KCTD16: variants seen among roughly 807,000 people sequenced by gnomAD.
The protein encoded by KCTD16 is potassium channel tetramerization domain containing 16.
Under a neutral mutation model 33.2 loss-of-function variants are expected in KCTD16, and 13 were observed. The ratio of observed to expected loss-of-function variants is 0.39; its 90% CI spans 0.25 to 0.62. The LOEUF (loss-of-function observed/expected upper bound fraction) is 0.62. Ranked by LOEUF, KCTD16 falls within the 20% of genes least tolerant of loss-of-function variation. The pLI, the probability that KCTD16 is intolerant of heterozygous loss-of-function variation, is 0.50. For synonymous variants in KCTD16, 197 were observed against 195.3 expected (o/e 1.01, Z -0.07); for missense variants, 441 against 525.1 (o/e 0.84, Z 1.57).
chr5:144,180,865 G>T (rs1752607207), intron 2 of KCTD16, among the ~76,000 whole-genome samples: 1 of 152,086 alleles, frequency 6.6e-6, no homozygotes, highest in East Asian at 1.9e-4. Flanking sequence ...CATTCTATTG[G>T]CTAGAAAACG....
At chr5:144,433,097 C>G (rs1435070733) in intron 3 of KCTD16, among the ~76,000 whole-genome samples, 1 of 152,126 alleles carries the variant, frequency 6.6e-6, no homozygotes, top group Non-Finnish European at 1.5e-5. Flanking sequence ...CTTCTATCTT[C>G]TTACCTGTCA....
intron 3 of KCTD16, among the ~76,000 whole-genome samples, chr5:144,296,686 A>G (rs1484895579): frequency 6.6e-6 from 1 of 152,194 alleles, no homozygotes; most frequent in East Asian, 1.9e-4. Flanking sequence ...TGCTTAGCAG[A>G]AAAACAAAAG....
intron 3 of KCTD16, among the ~76,000 whole-genome samples, chr5:144,327,106 C>G (rs567799528): frequency 6.6e-6 from 1 of 152,104 alleles, no homozygotes; most frequent in Non-Finnish European, 1.5e-5. Flanking sequence ...ATGTTGGCAA[C>G]GGTGAAGATT....
At chr5:144,349,279 T>A (rs1752885997) in intron 3 of KCTD16, among the ~76,000 whole-genome samples, 1 of 152,182 alleles carries the variant, frequency 6.6e-6, no homozygotes, top group African/African-American at 2.4e-5. Flanking sequence ...ACCACCTGGA[T>A]TTGAAGTCTG....
At chr5:144,416,308 C>A (rs1561600056) in intron 3 of KCTD16, among the ~76,000 whole-genome samples, 1 of 152,070 alleles carries the variant, frequency 6.6e-6, no homozygotes. Context: ...TTATTGAGTT[C>A]TTTTGTTAAG....
At chr5:144,392,791 C>T (rs1752479447) in intron 3 of KCTD16, among the ~76,000 whole-genome samples, 1 of 152,146 alleles carries the variant, frequency 6.6e-6, no homozygotes, top group South Asian at 2.1e-4. Flanking sequence ...TTGCTGTGTT[C>T]CCTAGCTTCT....
intron 3 of KCTD16, among the ~76,000 whole-genome samples, chr5:144,373,472 C>A (rs576747029): frequency 1.6e-4 from 25 of 152,244 alleles, no homozygotes; most frequent in African/African-American, 6.0e-4. Flanking sequence ...GAATAAAAGA[C>A]TAATCCAGTA....
At chr5:144,373,604 C>G (rs1182523919) in intron 3 of KCTD16, among the ~76,000 whole-genome samples, 1 of 152,108 alleles carries the variant, frequency 6.6e-6, no homozygotes, top group African/African-American at 2.4e-5. Context: ...TCTTCTGCTG[C>G]TCATTATTTT....
At chr5:144,447,580 C>G (rs958743526) in intron 3 of KCTD16, among the ~76,000 whole-genome samples, 1 of 151,336 alleles carries the variant, frequency 6.6e-6, no homozygotes. Flanking sequence ...AAAGAAAAAA[C>G]AAAAGAAAAT....
intron 3 of KCTD16, among the ~76,000 whole-genome samples, chr5:144,221,452 G>A (rs563195204): frequency 2.6e-5 from 4 of 152,158 alleles, no homozygotes; most frequent in Non-Finnish European, 4.4e-5. Context: ...AGTGTGTGAT[G>A]ATCCTTTCTC....
intron 3 of KCTD16, among the ~76,000 whole-genome samples, chr5:144,385,701 A>C (rs1333455597): frequency 1.3e-5 from 2 of 152,342 alleles, no homozygotes; most frequent in East Asian, 3.9e-4. Flanking sequence ...ATTTGCAAAA[A>C]TGTATATGTC....
At chr5:144,188,822 C>T (rs1164270165) in intron 2 of KCTD16, among the ~76,000 whole-genome samples, 2 of 152,134 alleles carry the variant, frequency 1.3e-5, no homozygotes, top group East Asian at 1.9e-4. Flanking sequence ...ACTCACCTCC[C>T]CTCCCCTGCC....
chr5:144,239,161 A>C (rs1754333653), intron 3 of KCTD16, among the ~76,000 whole-genome samples: 1 of 152,152 alleles, frequency 6.6e-6, no homozygotes, highest in Non-Finnish European at 1.5e-5. Flanking sequence ...AGCATCTCAG[A>C]GATTTTATGA....
At chr5:144,240,844 C>T (rs541481548) in intron 3 of KCTD16, among the ~76,000 whole-genome samples, 20 of 152,194 alleles carry the variant, frequency 1.3e-4, no homozygotes, top group South Asian at 4.1e-4. Flanking sequence ...ACCAGGGAGG[C>T]GGTTTGCTCT....
chr5:144,232,377 C>T (rs1187991789), intron 3 of KCTD16, among the ~76,000 whole-genome samples: 1 of 152,148 alleles, frequency 6.6e-6, no homozygotes, highest in African/African-American at 2.4e-5. Context: ...CACTTACTTG[C>T]TAAGTATATT....
At chr5:144,456,729 C>A (rs1754072080) in intron 3 of KCTD16, among the ~76,000 whole-genome samples, 1 of 149,564 alleles carries the variant, frequency 6.7e-6, no homozygotes, top group African/African-American at 2.5e-5. Flanking sequence ...TTTTGACACA[C>A]TATCTTTGAG....
chr5:144,470,641 A>T (rs1443645887), intron 3 of KCTD16, among the ~76,000 whole-genome samples: 1 of 152,202 alleles, frequency 6.6e-6, no homozygotes, highest in African/African-American at 2.4e-5. Context: ...GACAACCTCC[A>T]CTAGAATTAA....
chr5:144,393,967 T>A (rs1408238782), intron 3 of KCTD16, among the ~76,000 whole-genome samples: 1 of 146,888 alleles, frequency 6.8e-6, no homozygotes, highest in East Asian at 1.9e-4. Flanking sequence ...TTTTTTCTTT[T>A]TTTTTTTTTT....
In KCTD16 at chr5:144,346,728, T is replaced by C. The variant is rs146984031; in HGVS notation, c.833-126932T>C. On this transcript the variant is annotated intron_variant, in intron 3 of 3. Transcript: ENST00000512467. ...ATTAGACTTTTCCCTATAGAGTTAT[T>C]TGAGCTCCTTATACATTCTGGCTCT... is the stretch of plus-strand genomic sequence containing the variant. Among the ~76,000 whole-genome samples the C allele has an allele frequency of 2.3e-3, 355 of 152,348 alleles. 3 individuals are homozygous for C. The highest frequency in any genetic ancestry group is 8.0e-3 in the African/African-American group (334 of 41,586).
Sources: gnomAD v4.1 joint callset for allele counts (sites outside exome capture counted in the v4.1 genomes callset) on GRCh38, gnomAD v4.1.1 for gene constraint, MANE v1.5 for transcripts, NCBI Gene and HGNC (gene_info 2026-07-23, HGNC 2026-07-21) for gene names.